The following SIPA1L1 variants were observed in gnomAD, a reference collection of about 807,000 sequenced individuals.
The protein encoded by SIPA1L1 is signal-induced proliferation-associated 1-like protein 1.
A neutral mutation model predicts 162.7 loss-of-function variants in SIPA1L1; 26 were observed. The observed-to-expected ratio is 0.16, with a 90% CI of 0.12 to 0.22. SIPA1L1 has a LOEUF of 0.22. Ranked by LOEUF, SIPA1L1 falls within the 10% of genes least tolerant of loss-of-function variation. SIPA1L1 has a pLI of 1.00. For missense variants in SIPA1L1, 1,874 were observed against 2,241.0 expected (o/e 0.84, Z 3.31); for synonymous variants, 829 against 837.4 (o/e 0.99, Z 0.17).
intron 18 of SIPA1L1, 116 bp downstream of exon 18, chr14:71,724,002 TG>T: frequency 1.7e-6 from 2 of 1,163,684 alleles, no homozygotes; most frequent in Non-Finnish European, 2.4e-6. Context: ...TGGCAGGAGT[TG>T]GTCTGTTGGT....
At chr14:71,604,520 G>A (rs1055875826) in intron 5 of SIPA1L1, among the ~76,000 whole-genome samples, 3 of 152,094 alleles carry the variant, frequency 2.0e-5, no homozygotes, top group South Asian at 4.2e-4. Flanking sequence ...TTCACTTCCA[G>A]GGCTAGGACT....
chr14:71,503,567 C>T (rs976547554), intron 2 of SIPA1L1, among the ~76,000 whole-genome samples: 5 of 152,100 alleles, frequency 3.3e-5, no homozygotes, highest in African/African-American at 1.2e-4. Context: ...GCCAAAGGTG[C>T]TTGACGCTGT....
chr14:71,381,206 C>T (rs544329917), intron 2 of SIPA1L1, among the ~76,000 whole-genome samples: 69 of 152,180 alleles, frequency 4.5e-4, no homozygotes, highest in African/African-American at 1.5e-3. Flanking sequence ...GTGCCCACCA[C>T]GGTGCCCGGC....
chr14:71,633,201 G>A lies in SIPA1L1; in HGVS notation c.1818+8965G>A, dbSNP rs778448740. 7.9e-5 allele frequency among the ~76,000 whole-genome samples: 12 copies of A among 151,976 alleles called. No individual in the cohort carries two copies. In the South Asian group the frequency reaches 8.3e-4, roughly 11 times the overall value. ...TTTGGAGATGGGGCCTCACTCTGTC[G>A]CCAGGCTGCAGTGCAGTGGCTTGAT... On this transcript the variant is annotated intron_variant, in intron 7 of 23. Transcript: ENST00000381232.
chr14:71,462,140 TTGA>T (rs1205475167), intron 2 of SIPA1L1, among the ~76,000 whole-genome samples: 1 of 152,224 alleles, frequency 6.6e-6, no homozygotes, highest in Non-Finnish European at 1.5e-5. Flanking sequence ...GCATGGTGAC[TTGA>T]TGACCCATAG....
At position 71,577,290 on chromosome 14, in the gene SIPA1L1, CTTTTA is replaced by C. The variant is rs572993099; in HGVS notation, c.-302-10279_-302-10275del. Among the ~76,000 whole-genome samples, 10 of 151,920 alleles carry C rather than the reference CTTTTA, an allele frequency of 6.6e-5. No homozygotes were observed. The South Asian group carries it at 2.1e-3, about 32-fold the overall frequency. ...CACAGGCTATAAGGGAGCCTTTTTTCTTTTATATTTTCAAAGTAGTTTTTCTACCA... is the reference window on the plus strand; with the variant it reads ...CACAGGCTATAAGGGAGCCTTTTTTCTATTTTCAAAGTAGTTTTTCTACCA... On this transcript the variant is annotated intron_variant, in intron 4 of 23. Transcript: ENST00000381232.
intron 2 of SIPA1L1, among the ~76,000 whole-genome samples, chr14:71,446,906 G>GGTT (rs1376417038): frequency 1.9e-5 from 1 of 53,244 alleles, no homozygotes; most frequent in African/African-American, 8.4e-5. Context: ...TTTTTTTTTT[G>GGTT]TTTTTTTTTT....
At chr14:71,384,260 G>A (rs2040143166) in intron 2 of SIPA1L1, among the ~76,000 whole-genome samples, 1 of 152,190 alleles carries the variant, frequency 6.6e-6, no homozygotes, top group Non-Finnish European at 1.5e-5. Context: ...TGAGTTGCAG[G>A]TGTTTAAAAT....
intron 8 of SIPA1L1, among the ~76,000 whole-genome samples, chr14:71,654,448 A>G (rs941591518): frequency 2.6e-5 from 4 of 152,120 alleles, no homozygotes; most frequent in Non-Finnish European, 4.4e-5. Context: ...TTATTTCCTG[A>G]CTGAGGCTTG....
chr14:71,355,601 C>A (rs765398131), intron 2 of SIPA1L1, among the ~76,000 whole-genome samples: 10 of 152,210 alleles, frequency 6.6e-5, no homozygotes, highest in Non-Finnish European at 1.2e-4. Context: ...ATTGTATCCT[C>A]TTCTCAAATA....
At chr14:71,553,060 G>A (rs980115866) in intron 4 of SIPA1L1, among the ~76,000 whole-genome samples, 1 of 152,086 alleles carries the variant, frequency 6.6e-6, no homozygotes, top group Non-Finnish European at 1.5e-5. Context: ...GTGTCACTCT[G>A]GAGGGCAGAG....
intron 2 of SIPA1L1, among the ~76,000 whole-genome samples, chr14:71,391,847 A>G (rs761417561): frequency 2.6e-5 from 4 of 152,232 alleles, no homozygotes; most frequent in Non-Finnish European, 5.9e-5. Flanking sequence ...AAGAAGGCAC[A>G]GGGAGGACAT....
Position 71,473,247 on chromosome 14 carries a change from A to G in SIPA1L1, c.-464-39496A>G, listed in dbSNP as rs952352271. Among the ~76,000 whole-genome samples the G allele has an allele frequency of 4.6e-5, 7 of 152,216 alleles. No homozygotes were observed. In the South Asian group the frequency reaches 8.3e-4, roughly 18 times the overall value. ...TACCTTTATTTAATTAAAGGTACAT[A>G]TAAAAATAAAATTGCTTTTATCTGT... On this transcript the variant is annotated intron_variant, in intron 2 of 23. Coordinates refer to ENST00000381232, the MANE Select transcript of SIPA1L1 (RefSeq NM_001386936.1).
rs1028511483 is a variant in SIPA1L1, at chr14:71,377,179, G to A, written c.-465+55998G>A. 1.3e-5 allele frequency among the ~76,000 whole-genome samples: 2 copies of A among 150,084 alleles called. No homozygotes were observed. Among genetic ancestry groups the A allele is most frequent in the African/African-American group, 2.5e-5 (1 of 40,772 alleles). ...GAGGCAGCCCCCACCTCCCAGATGG[G>A]GCGGCGGCCGGGTGGGGGCGCCCCC... On this transcript the variant is annotated intron_variant, in intron 2 of 23. Coordinates refer to ENST00000381232, the MANE Select transcript of SIPA1L1 (RefSeq NM_001386936.1). The surrounding 1 kb of genome is among the most constrained non-coding windows in gnomAD (Gnocchi z 4.8).
intron 7 of SIPA1L1, among the ~76,000 whole-genome samples, chr14:71,634,414 A>C (rs1048133150): frequency 6.6e-6 from 1 of 151,632 alleles, no homozygotes; most frequent in African/African-American, 2.4e-5. Flanking sequence ...AAAAAAAAAA[A>C]AAAACCCACC....
chr14:71,657,458 G>A (rs2043164619), intron 8 of SIPA1L1, among the ~76,000 whole-genome samples: 1 of 151,978 alleles, frequency 6.6e-6, no homozygotes, highest in African/African-American at 2.4e-5. Context: ...GTCTAAACAG[G>A]TATTCCCTTT....
chr14:71,739,439 T>G lies in SIPA1L1; in HGVS notation c.*278T>G. On this transcript the variant is annotated 3_prime_UTR_variant, in exon 24 of 24. Coordinates refer to ENST00000381232, the MANE Select transcript of SIPA1L1 (RefSeq NM_001386936.1). ...TCTTTATTTTTTTGCACAATATCTT[T>G]ATCTGTTATGTATTTAAGAAGAAAC... 1.7e-5 allele frequency: 2 copies of G among 114,318 alleles called. No homozygotes were observed. Among genetic ancestry groups the G allele is most frequent in the African/African-American group, 6.7e-5 (1 of 14,856 alleles). The allele number at this position is 114,318 out of a possible 1,614,324, so 7.1% of individuals were successfully genotyped here.
chr14:71,556,369 G>A (rs2056352288), intron 4 of SIPA1L1, among the ~76,000 whole-genome samples: 1 of 152,182 alleles, frequency 6.6e-6, no homozygotes, highest in African/African-American at 2.4e-5. Flanking sequence ...CTGGCTGGAT[G>A]TTCTCAATTC....
intron 4 of SIPA1L1, among the ~76,000 whole-genome samples, chr14:71,548,193 A>G (rs2055424781): frequency 6.6e-6 from 1 of 152,224 alleles, no homozygotes; most frequent in African/African-American, 2.4e-5. Context: ...TGAATTATGT[A>G]TTTCTTTCAG....
Sources: allele counts gnomAD v4.1 joint callset (sites outside exome capture counted in the v4.1 genomes callset), GRCh38; gene constraint gnomAD v4.1.1; non-coding constraint Gnocchi (gnomAD v3.1); transcripts MANE v1.5; gene names NCBI Gene and HGNC (gene_info 2026-07-23, HGNC 2026-07-21).